Variants in DGKB observed in about 807,000 individuals in gnomAD.
DGKB encodes the protein diacylglycerol kinase beta.
In DGKB, 67 loss-of-function variants were observed where a neutral mutation model predicts 114.3. That is an observed-to-expected ratio of 0.59 (90% CI 0.48 to 0.72). The LOEUF (loss-of-function observed/expected upper bound fraction) is 0.72, where lower values mean the gene tolerates loss of function less well. DGKB is among the 30% of genes least tolerant of loss of function. The probability of loss-of-function intolerance (pLI) is 0.00; values close to 1 mark genes in which losing one functional copy is unlikely to be tolerated. For missense variants in DGKB, 907 were observed against 975.2 expected, an observed-to-expected ratio of 0.93 and a Z score of 0.93; for synonymous variants, 398 against 323.1, an observed-to-expected ratio of 1.23 and a Z score of -2.49.
chr7:14,762,295 C>T (rs943846410), intron 2 of DGKB, among the ~76,000 whole-genome samples: 1 of 152,096 alleles, frequency 6.6e-6, no homozygotes, highest in Non-Finnish European at 1.5e-5. Flanking sequence ...TTTCTATCAC[C>T]TGCTCTGGTA....
chr7:14,862,207 G>C (rs1239326834), intron 1 of DGKB, among the ~76,000 whole-genome samples: 3 of 151,920 alleles, frequency 2.0e-5, no homozygotes, highest in Admixed American at 1.3e-4. Flanking sequence ...GAGATGATTT[G>C]ATATGCATAC....
intron 3 of DGKB, among the ~76,000 whole-genome samples, chr7:14,756,541 T>G (rs1834898185): frequency 6.6e-6 from 1 of 151,394 alleles, no homozygotes; most frequent in African/African-American, 2.4e-5. Flanking sequence ...GGCTAAAGAG[T>G]TTTAAAAGTT....
chr7:14,737,283 ATTTTTTTTTTTTTTTTTTT>A (rs11348925), intron 4 of DGKB, among the ~76,000 whole-genome samples: 1 of 82,508 alleles, frequency 1.2e-5, no homozygotes, highest in African/African-American at 4.3e-5. Context: ...TTGAAGGCCA[ATTTTTTTTTTTTTTTTTTT>A]TTTTTTTTTT....
At chr7:14,921,643 C>G (rs1451656469) in intron 1 of DGKB, among the ~76,000 whole-genome samples, 1 of 152,114 alleles carries the variant, frequency 6.6e-6, no homozygotes, top group Non-Finnish European at 1.5e-5. Context: ...GTTAACCATC[C>G]TATAATACAC....
At chr7:14,719,072 C>T (rs1306712201) in intron 5 of DGKB, among the ~76,000 whole-genome samples, 2 of 151,952 alleles carry the variant, frequency 1.3e-5, no homozygotes, top group Admixed American at 6.6e-5. Flanking sequence ...TCACAAAATA[C>T]TAAAGAAAAA....
chr7:14,177,201 A>C lies in DGKB; in HGVS notation c.2244-302T>G, dbSNP rs928377070. Among the ~76,000 whole-genome samples, 4 of 152,100 alleles carry C rather than the reference A, an allele frequency of 2.6e-5. No homozygotes were observed. In the East Asian group the frequency reaches 7.7e-4, roughly 29 times the overall value. On this transcript the variant is annotated intron_variant, in intron 24 of 25. Coordinates refer to ENST00000402815, the MANE Select transcript of DGKB (RefSeq NM_001350709.2). ...CGATCAGAATTTCTACAGCCAAAAG[A>C]GATTCCTTGTTTTTATAACCCTACA...
At chr7:14,249,197 C>T (rs1490437740) in intron 23 of DGKB, among the ~76,000 whole-genome samples, 1 of 152,154 alleles carries the variant, frequency 6.6e-6, no homozygotes, top group Non-Finnish European at 1.5e-5. Context: ...ATAAATCCCA[C>T]TTAATCATAG....
rs1023153078 is a variant in DGKB, at chr7:14,687,274, T to A, written c.712-1912A>T. ...GGCAAGCTAATACATTAACTTCCAA[T>A]AGGGTAAATTTTGGACCCTTTACAA... On this transcript the variant is annotated intron_variant, in intron 9 of 25. Coordinates refer to ENST00000402815, the MANE Select transcript of DGKB (RefSeq NM_001350709.2). Among the ~76,000 whole-genome samples, 4 of 152,302 alleles carry A rather than the reference T, an allele frequency of 2.6e-5. 1 individual carries two copies. In the South Asian group the frequency reaches 8.3e-4, roughly 32 times the overall value.
chr7:14,841,004 G>T (rs1847861703), intron 2 of DGKB, among the ~76,000 whole-genome samples, 190 bp downstream of exon 2: 2 of 152,054 alleles, frequency 1.3e-5, no homozygotes, highest in Non-Finnish European at 2.9e-5. Context: ...TGTAATACTT[G>T]ATTTAATTTA....
chr7:14,652,916 A>G (rs1427143419), intron 13 of DGKB, among the ~76,000 whole-genome samples: 4 of 151,994 alleles, frequency 2.6e-5, no homozygotes, highest in Admixed American at 2.0e-4. Flanking sequence ...GCTCATCATC[A>G]CTGGCCATCA....
At position 14,546,624 on chromosome 7, in the gene DGKB, C is replaced by T. The variant is rs116458448; in HGVS notation, c.1770+27588G>A. Among the ~76,000 whole-genome samples the T allele has an allele frequency of 7.8e-3, 1,183 of 152,184 alleles. 20 individuals are homozygous for T. Among genetic ancestry groups the T allele is most frequent in the African/African-American group, 0.028 (1,154 of 41,530 alleles). On this transcript the variant is annotated intron_variant, in intron 20 of 25. Coordinates refer to ENST00000402815, the MANE Select transcript of DGKB (RefSeq NM_001350709.2). ...ACTACGGATCTGGAATTTCAGGCAGCAAATTTCCACTAGGTCGGGAGCATC... is the reference window on the plus strand; with the variant it reads ...ACTACGGATCTGGAATTTCAGGCAGTAAATTTCCACTAGGTCGGGAGCATC...
intron 23 of DGKB, among the ~76,000 whole-genome samples, chr7:14,284,061 A>G (rs1198836188): frequency 1.3e-5 from 2 of 152,318 alleles, no homozygotes; most frequent in East Asian, 1.9e-4. Context: ...AGAAACTACC[A>G]TCAGAGTGAA....
chr7:14,832,185 A>G (rs1223249501), intron 2 of DGKB, among the ~76,000 whole-genome samples: 3 of 152,102 alleles, frequency 2.0e-5, no homozygotes, highest in African/African-American at 7.2e-5. Context: ...AGAAAAGGTT[A>G]CATAAGTTGC....
chr7:14,280,047 C>T (rs533413166), intron 23 of DGKB, among the ~76,000 whole-genome samples: 29 of 151,874 alleles, frequency 1.9e-4, no homozygotes, highest in East Asian at 3.9e-4. Flanking sequence ...AGGCTTCAGA[C>T]GATCAAATTA....
intron 13 of DGKB, among the ~76,000 whole-genome samples, chr7:14,649,570 G>A (rs568834242): frequency 6.6e-6 from 1 of 151,942 alleles, no homozygotes; most frequent in Non-Finnish European, 1.5e-5. Flanking sequence ...ATCAACACTA[G>A]GAAGAAACTG....
chr7:14,756,894 G>A (rs1834952287), intron 3 of DGKB, among the ~76,000 whole-genome samples: 1 of 151,966 alleles, frequency 6.6e-6, no homozygotes, highest in South Asian at 2.1e-4. Context: ...TGAACTAACA[G>A]TAATGATGAT....
intron 9 of DGKB, among the ~76,000 whole-genome samples, chr7:14,692,012 G>T (rs1271320688): frequency 1.3e-5 from 2 of 151,906 alleles, no homozygotes; most frequent in Non-Finnish European, 2.9e-5. Context: ...CCTTACAATT[G>T]AAATAATACT....
intron 23 of DGKB, among the ~76,000 whole-genome samples, chr7:14,179,212 C>G (rs1782263939): frequency 6.6e-6 from 1 of 152,178 alleles, no homozygotes; most frequent in Admixed American, 6.5e-5. Context: ...AGAAGTTGAA[C>G]TCACATCAAT....
chr7:14,895,636 C>T (rs959327739), intron 1 of DGKB, among the ~76,000 whole-genome samples: 2 of 151,592 alleles, frequency 1.3e-5, no homozygotes, highest in South Asian at 2.1e-4. Context: ...CCATCCATTC[C>T]TCTTCTTTCA....
Sources: allele counts gnomAD v4.1 joint callset (sites outside exome capture counted in the v4.1 genomes callset), GRCh38; gene constraint gnomAD v4.1.1; transcripts MANE v1.5; gene names NCBI Gene and HGNC (gene_info 2026-07-23, HGNC 2026-07-21).